Variants in ZBTB8A observed in about 807,000 individuals in gnomAD.
ZBTB8A encodes the protein zinc finger and BTB domain containing 8A.
ZBTB8A carries 19 observed loss-of-function variants against 37.8 expected under a neutral mutation model. The ratio of observed to expected loss-of-function variants is 0.50; its 90% confidence interval spans 0.35 to 0.74. The LOEUF (loss-of-function observed/expected upper bound fraction) is 0.74. Among genes scored for constraint, ZBTB8A ranks in the 30% least tolerant of loss-of-function variants. The probability of loss-of-function intolerance (pLI) is 0.01; values close to 1 mark genes in which losing one functional copy is unlikely to be tolerated. For synonymous variants in ZBTB8A, 181 were observed against 185.2 expected (o/e 0.98, Z 0.19); for missense variants, 394 against 537.8 (o/e 0.73, Z 2.65).
intron 1 of ZBTB8A, among the ~76,000 whole-genome samples, chr1:32,545,047 C>G (rs1369902243): frequency 6.6e-6 from 1 of 152,110 alleles, no homozygotes; most frequent in Non-Finnish European, 1.5e-5. Flanking sequence ...CATATGATAA[C>G]TCCATGTTTA....
At chr1:32,563,121 G>A (rs1254008999) in intron 2 of ZBTB8A, among the ~76,000 whole-genome samples, 1 of 152,098 alleles carries the variant, frequency 6.6e-6, no homozygotes, top group East Asian at 1.9e-4. Flanking sequence ...TTTCTTATAA[G>A]ATTAGTTATC....
intron 1 of ZBTB8A, among the ~76,000 whole-genome samples, chr1:32,543,210 A>G (rs1644071830): frequency 6.6e-6 from 1 of 152,018 alleles, no homozygotes; most frequent in Non-Finnish European, 1.5e-5. Context: ...CAGCCTCTCA[A>G]GCAGCTGGGA....
At position 32,605,564 on chromosome 1, in the gene ZBTB8A, G is replaced by C. The variant is rs1284729908; in HGVS notation, c.*5145G>C. On this transcript the variant is annotated 3_prime_UTR_variant, in exon 5 of 5. Coordinates refer to ENST00000373510, the MANE Select transcript of ZBTB8A (RefSeq NM_001040441.3). ...TACTAAAAATACAAAAATTAGCCAG[G>C]CATGGTGGTGGGCACCTGTAATCCC... 3 of 151,824 alleles carry C rather than the reference G, an allele frequency of 2.0e-5. No individual in the cohort carries two copies. Among genetic ancestry groups the C allele is most frequent in the African/African-American group, 4.8e-5 (2 of 41,298 alleles). 9.4% of individuals were successfully genotyped at this position (151,824 alleles called of 1,614,324 possible).
chr1:32,576,272 A>T (rs1377466381), intron 2 of ZBTB8A, among the ~76,000 whole-genome samples: 1 of 152,186 alleles, frequency 6.6e-6, no homozygotes, highest in African/African-American at 2.4e-5. Context: ...CTTTTAAGTA[A>T]AAGTTTGTCA....
In ZBTB8A at chr1:32,599,656, G is replaced by T. The variant is rs930765559; in HGVS notation, c.994-431G>T. ...TGCATGAACCCCGGAGGCGGAGGTT[G>T]CAGTGAGCCGAGATTGCACTATTGC... On this transcript the variant is annotated intron_variant, in intron 4 of 4. Coordinates refer to ENST00000373510, the MANE Select transcript of ZBTB8A (RefSeq NM_001040441.3). 2.0e-5 allele frequency among the ~76,000 whole-genome samples: 3 copies of T among 152,092 alleles called. No homozygotes were observed. The South Asian group carries it at 6.2e-4, about 31-fold the overall frequency.
At chr1:32,580,100 C>T (rs1226217945) in intron 2 of ZBTB8A, among the ~76,000 whole-genome samples, 2 of 152,008 alleles carry the variant, frequency 1.3e-5, no homozygotes, top group Non-Finnish European at 2.9e-5. Flanking sequence ...GTGGCTCACA[C>T]CTATAATCCC....
At chr1:32,581,505 A>C (rs1644406893) in intron 2 of ZBTB8A, among the ~76,000 whole-genome samples, 1 of 150,560 alleles carries the variant, frequency 6.6e-6, no homozygotes, top group African/African-American at 2.4e-5. Context: ...GCGCACGCCA[A>C]CATGTCTGGC....
rs928308005 is a variant in ZBTB8A at position 32,593,309 on chromosome 1, G to A, written c.378G>A (p.Glu126=). ...TFIKSSLDIS[E]KEKDRYFSLS... is the part of the protein sequence containing the mutation. ...TTAAATCTTCCTTAGACATTAGTGA[G>A]AAAGAAAAAGATCGCTATTTCAGTC... is the stretch of plus-strand genomic sequence containing the variant. Residue 126 remains glutamate, a synonymous_variant, in exon 3 of 5, where the codon GAG becomes GAA. Coordinates refer to ENST00000373510, the MANE Select transcript of ZBTB8A (RefSeq NM_001040441.3). The A allele has an allele frequency of 4.3e-6, 7 of 1,614,134 alleles. No individual in the cohort carries two copies. Among genetic ancestry groups the A allele is most frequent in the Middle Eastern group, 1.6e-4 (1 of 6,062 alleles).
rs182149984 is a variant in ZBTB8A at position 32,582,846 on chromosome 1, G to A, written c.-1-10085G>A. 2.1e-3 allele frequency among the ~76,000 whole-genome samples: 319 copies of A among 152,168 alleles called. 1 individual carries two copies. The highest frequency in any genetic ancestry group is 7.2e-3 in the African/African-American group (298 of 41,514). ...CTCAGCAAAAGCTGGGTCTTTGGGC[G>A]CATAATGAGAATGTCCAATCCCTAG... On this transcript the variant is annotated intron_variant, in intron 2 of 4. Transcript: ENST00000373510.
At chr1:32,546,110 G>A (rs1018602978) in intron 1 of ZBTB8A, among the ~76,000 whole-genome samples, 2 of 152,074 alleles carry the variant, frequency 1.3e-5, no homozygotes, top group South Asian at 2.1e-4. Flanking sequence ...AATAAAATGC[G>A]TTTCACCTGC....
chr1:32,579,263 A>G (rs932124568), intron 2 of ZBTB8A, among the ~76,000 whole-genome samples: 3 of 152,000 alleles, frequency 2.0e-5, no homozygotes, highest in African/African-American at 7.2e-5. Flanking sequence ...AGCCTGACCA[A>G]CATGGTGAAA....
intron 4 of ZBTB8A, among the ~76,000 whole-genome samples, chr1:32,596,243 G>T (rs535158953): frequency 6.6e-6 from 1 of 151,942 alleles, no homozygotes; most frequent in Non-Finnish European, 1.5e-5. Flanking sequence ...GGTGGCGGGC[G>T]CCTGCAATCC....
chr1:32,546,495 A>G (rs935952404), intron 1 of ZBTB8A, among the ~76,000 whole-genome samples: 1 of 152,022 alleles, frequency 6.6e-6, no homozygotes, highest in African/African-American at 2.4e-5. Flanking sequence ...AAATATAGAA[A>G]GAGCCAGACA....
intron 2 of ZBTB8A, among the ~76,000 whole-genome samples, chr1:32,584,459 A>G (rs1267998687): frequency 2.6e-5 from 4 of 151,686 alleles, no homozygotes; most frequent in African/African-American, 7.3e-5. Flanking sequence ...AAGGGCACCA[A>G]TCAAACTCCT....
intron 2 of ZBTB8A, among the ~76,000 whole-genome samples, chr1:32,567,969 G>A (rs1265208172): frequency 5.9e-5 from 9 of 151,442 alleles, no homozygotes; most frequent in Non-Finnish European, 1.2e-4. Flanking sequence ...GTGAAACCCC[G>A]TCTCTACTAA....
intron 2 of ZBTB8A, among the ~76,000 whole-genome samples, chr1:32,578,695 A>G (rs997757249): frequency 6.6e-6 from 1 of 151,462 alleles, no homozygotes; most frequent in East Asian, 1.9e-4. Context: ...AAAATATTTT[A>G]TTTATTTATT....
At chr1:32,542,988 A>G (rs1477042373) in intron 1 of ZBTB8A, among the ~76,000 whole-genome samples, 1 of 152,178 alleles carries the variant, frequency 6.6e-6, no homozygotes, top group African/African-American at 2.4e-5. Flanking sequence ...ATGACTCAAG[A>G]GTACTACTAT....
intron 2 of ZBTB8A, among the ~76,000 whole-genome samples, chr1:32,575,547 C>A (rs545496687): frequency 7.9e-5 from 12 of 151,998 alleles, no homozygotes; most frequent in African/African-American, 2.7e-4. Context: ...TTTTGCTTTT[C>A]TTTATCCTGC....
rs777805568 is a variant in ZBTB8A at position 32,600,271 on chromosome 1, G to A, written c.1178G>A (p.Gly393Glu). 1.2e-6 allele frequency: 2 copies of A among 1,614,168 alleles called. No individual in the cohort carries two copies. Among genetic ancestry groups the A allele is most frequent in the African/African-American group, 2.7e-5 (2 of 75,050 alleles). The change falls in exon 5 of 5, where the codon GGA becomes GAA. Residue 393 changes from glycine to glutamate, a missense_variant. By Grantham distance (98) the Gly-to-Glu change is moderately conservative (BLOSUM62 -2). This residue lies in a region of ZBTB8A where 85 missense variants were observed against 89.0 expected (regional missense o/e 0.95). Coordinates refer to ENST00000373510, the MANE Select transcript of ZBTB8A (RefSeq NM_001040441.3). The part of the protein sequence containing the change: ...AEQHLMSPSD[G>E]DKDSRWHLSE... Reference sequence around the variant, plus strand: ...CAACATCTTATGTCCCCATCAGATGGAGATAAGGATTCCAGATGGCACTTG... The same window carrying A: ...CAACATCTTATGTCCCCATCAGATGAAGATAAGGATTCCAGATGGCACTTG...
Sources: gnomAD v4.1 joint callset for allele counts (sites outside exome capture counted in the v4.1 genomes callset) on GRCh38, gnomAD v4.1.1 for gene constraint, gnomAD v4.1.1 regional missense constraint, MANE v1.5 for transcripts, NCBI Gene and HGNC (gene_info 2026-07-23, HGNC 2026-07-21) for gene names.